NLGN4X: variants seen among roughly 807,000 people sequenced by gnomAD.
The protein encoded by NLGN4X is neuroligin-4, X-linked.
In NLGN4X, 3 loss-of-function variants were observed where a neutral mutation model predicts 40.3. That is an observed-to-expected ratio of 0.07 (90% CI 0.03 to 0.19). The LOEUF (loss-of-function observed/expected upper bound fraction) is 0.19, where lower values mean the gene tolerates loss of function less well. Ranked by LOEUF, NLGN4X falls within the 10% of genes least tolerant of loss-of-function variation. The pLI is 1.00. For missense variants in NLGN4X, 382 were observed against 708.3 expected, an observed-to-expected ratio of 0.54 and a Z score of 5.23; for synonymous variants, 270 against 306.8, an observed-to-expected ratio of 0.88 and a Z score of 1.25.
intron 3 of NLGN4X, among the ~76,000 whole-genome samples, chrX:5,959,717 T>C (rs2034598314): frequency 8.9e-6 from 1 of 111,840 alleles, no homozygotes; most frequent in African/African-American, 3.2e-5. Context: ...ACAGGATGGA[T>C]GGGGTGGGCA....
At chrX:6,110,379 GA>G (rs755197797) in intron 2 of NLGN4X, among the ~76,000 whole-genome samples, 2 of 111,009 alleles carry the variant, frequency 1.8e-5, no homozygotes, top group Non-Finnish European at 3.8e-5. Context: ...TTGCAAGAAA[GA>G]AATTTGGCGA....
rs143464036 is a variant in NLGN4X, at chrX:5,975,053, T to C, written c.625+54227A>G. On this transcript the variant is annotated intron_variant, in intron 3 of 5. Coordinates refer to ENST00000381095, the MANE Select transcript of NLGN4X (RefSeq NM_181332.3). Reference sequence around the variant, plus strand: ...GGATTCACCTCTTGGGCAGGATGGATTGGGAGGGAGCAGGACTGCTGGAGA... The same window carrying C: ...GGATTCACCTCTTGGGCAGGATGGACTGGGAGGGAGCAGGACTGCTGGAGA... 9.7e-4 allele frequency among the ~76,000 whole-genome samples: 108 copies of C among 111,032 alleles called. 1 individual carries two copies. The highest frequency in any genetic ancestry group is 2.5e-4 in the Non-Finnish European group (13 of 52,935).
chrX:6,196,203 T>C (rs1425627620), intron 1 of NLGN4X, among the ~76,000 whole-genome samples: 1 of 106,134 alleles, frequency 9.4e-6, no homozygotes, highest in African/African-American at 3.9e-5. Flanking sequence ...TAATTGTATC[T>C]GTGTGTGCTT....
At chrX:5,907,807 A>G (rs1217604921) in intron 4 of NLGN4X, among the ~76,000 whole-genome samples, 4 of 107,251 alleles carry the variant, frequency 3.7e-5, no homozygotes, top group Non-Finnish European at 7.7e-5. Context: ...GACACTCCCT[A>G]GTGCTGCATG....
At chrX:6,071,288 G>A (rs1470713468) in intron 2 of NLGN4X, among the ~76,000 whole-genome samples, 2 of 111,432 alleles carry the variant, frequency 1.8e-5, no homozygotes, top group Non-Finnish European at 3.8e-5. Flanking sequence ...AATTAAGAAA[G>A]TAGTAATTGT....
At chrX:5,960,593 T>C (rs2034628551) in intron 3 of NLGN4X, among the ~76,000 whole-genome samples, 1 of 111,836 alleles carries the variant, frequency 8.9e-6, no homozygotes, top group Non-Finnish European at 1.9e-5. Context: ...TTACACATCA[T>C]AAGAAAATAT....
At chrX:6,224,254 G>A (rs1029895310) in intron 1 of NLGN4X, among the ~76,000 whole-genome samples, 1 of 112,563 alleles carries the variant, frequency 8.9e-6, no homozygotes, top group Non-Finnish European at 1.9e-5. Context: ...GAAATGTGGC[G>A]TACCAATTAA....
intron 3 of NLGN4X, among the ~76,000 whole-genome samples, chrX:5,936,171 T>C (rs900718099): frequency 8.9e-6 from 1 of 111,964 alleles, no homozygotes; most frequent in African/African-American, 3.2e-5. Flanking sequence ...GAAGCAGAAC[T>C]GCACAAAACA....
intron 3 of NLGN4X, among the ~76,000 whole-genome samples, chrX:5,918,993 G>A (rs2146806488): frequency 8.9e-6 from 1 of 112,470 alleles, no homozygotes; most frequent in African/African-American, 3.2e-5. Context: ...AACTGTCCCA[G>A]TGGTGCTTGG....
At chrX:6,000,724 T>A (rs2035951297) in intron 3 of NLGN4X, among the ~76,000 whole-genome samples, 1 of 111,589 alleles carries the variant, frequency 9.0e-6, no homozygotes, top group Non-Finnish European at 1.9e-5. Context: ...ACTATCAGCA[T>A]TTTGGTCAAG....
At chrX:6,205,387 T>C (rs907336390) in intron 1 of NLGN4X, among the ~76,000 whole-genome samples, 4 of 112,389 alleles carry the variant, frequency 3.6e-5, no homozygotes, top group African/African-American at 1.3e-4. Flanking sequence ...CACTCAGTGA[T>C]CAGTGTACTA....
chrX:6,156,939 A>C (rs183356180), intron 1 of NLGN4X, among the ~76,000 whole-genome samples: 3 of 111,638 alleles, frequency 2.7e-5, no homozygotes, highest in Non-Finnish European at 5.6e-5. Context: ...TATACACACA[A>C]AAAAAATTTA....
At chrX:6,012,773 G>T (rs948090345) in intron 3 of NLGN4X, among the ~76,000 whole-genome samples, 3 of 111,158 alleles carry the variant, frequency 2.7e-5, no homozygotes, top group Non-Finnish European at 3.8e-5. Flanking sequence ...GACAAACACC[G>T]AGGCCACCAG....
At chrX:6,090,706 G>A (rs1225174621) in intron 2 of NLGN4X, among the ~76,000 whole-genome samples, 2 of 111,693 alleles carry the variant, frequency 1.8e-5, no homozygotes, top group Non-Finnish European at 3.8e-5. Flanking sequence ...TTGATATGAA[G>A]TGTATTTTTG....
At chrX:5,996,350 C>T (rs1261969500) in intron 3 of NLGN4X, among the ~76,000 whole-genome samples, 1 of 112,004 alleles carries the variant, frequency 8.9e-6, no homozygotes, top group East Asian at 2.8e-4. Flanking sequence ...GCCTTTGGGG[C>T]GTTTTTCTGT....
chrX:5,951,480 T>A (rs760486309), intron 3 of NLGN4X, among the ~76,000 whole-genome samples: 1 of 111,131 alleles, frequency 9.0e-6, no homozygotes, highest in East Asian at 2.8e-4. Flanking sequence ...GAGCAGTATA[T>A]GATTCAGGGT....
chrX:6,148,237 A>C (rs776115288), intron 2 of NLGN4X, among the ~76,000 whole-genome samples: 3 of 112,046 alleles, frequency 2.7e-5, no homozygotes, highest in African/African-American at 9.7e-5. Context: ...CAGAAAGACA[A>C]AGCTAAACAA....
intron 1 of NLGN4X, among the ~76,000 whole-genome samples, chrX:6,218,476 A>C (rs1210357897): frequency 1.4e-5 from 1 of 73,741 alleles, no homozygotes; most frequent in Non-Finnish European, 2.3e-5. Context: ...GATTAAACCC[A>C]CACACACACA....
At chrX:5,927,931 C>T (rs1335642581) in intron 3 of NLGN4X, among the ~76,000 whole-genome samples, 1 of 112,370 alleles carries the variant, frequency 8.9e-6, no homozygotes, top group East Asian at 2.8e-4. Context: ...CATATTTTTA[C>T]CATGGCATCT....
Sources: gnomAD v4.1 joint callset for allele counts (sites outside exome capture counted in the v4.1 genomes callset) on GRCh38, gnomAD v4.1.1 for gene constraint, MANE v1.5 for transcripts, NCBI Gene and HGNC (gene_info 2026-07-23, HGNC 2026-07-21) for gene names.